The following GREP1 variants were observed in gnomAD, a reference collection of about 807,000 sequenced individuals.
GREP1 encodes glycine-rich extracellular protein 1.
At chr16:3,001,471 C>T in intron 34 of GREP1, 90 bp from the exon 29 acceptor site, 1 of 399,130 alleles carries the variant, frequency 2.5e-6, no homozygotes, top group East Asian at 3.6e-5. Context: ...GAGTGACTGA[C>T]CCCAGAAGCT....
At chr16:2,998,546 T>TG in intron 25 of GREP1, 23 bp downstream of exon 23, 1 of 398,900 alleles carries the variant, frequency 2.5e-6, no homozygotes, top group Non-Finnish European at 4.4e-6. Flanking sequence ...GGACCAGGGG[T>TG]GGGGGCCCAG....
chr16:2,997,179 G>C (rs1468635130), intron 21 of GREP1, 94 bp downstream of exon 20: 2 of 398,896 alleles, frequency 5.0e-6, no homozygotes, highest in Non-Finnish European at 8.8e-6. Flanking sequence ...CATTCAGGAG[G>C]GGGCTGGGAG....
rs1176274786 is a variant in GREP1, at chr16:2,994,972, G to C, written c.484+10G>C. 3 of 399,098 alleles carry C rather than the reference G, an allele frequency of 7.5e-6. No homozygotes were observed. Among genetic ancestry groups the C allele is most frequent in the Non-Finnish European group, 1.3e-5 (3 of 226,258 alleles). The allele number at this position is 399,098 out of a possible 1,614,324, so 24.7% of individuals were successfully genotyped here. A position where few individuals can be genotyped will look rare whatever the true frequency, so the allele number is the denominator to read the frequency against. On this transcript the variant is annotated intron_variant, in intron 13 of 34. Transcript: ENST00000573315. ...CTGGGAGCCCAGCCAGGTGAAGGGG[G>C]TACAGTCTGGGGTTCCAGGGTCTGC...
chr16:3,001,080 G>A (rs2072459391), intron 33 of GREP1, among the ~76,000 whole-genome samples: 1 of 152,182 alleles, frequency 6.6e-6, no homozygotes, highest in South Asian at 2.1e-4. Flanking sequence ...AAGGGGAGGT[G>A]ATGGAGTTGG....
In GREP1 at chr16:2,991,994, CG is replaced by C. The variant is rs944162490; in HGVS notation, c.323-805del. On this transcript the variant is annotated intron_variant, in intron 8 of 34. Transcript: ENST00000573315. This position sits in a 1 kb window ranked among gnomAD's most constrained non-coding sequence, Gnocchi z 4.9. Reference sequence around the variant, plus strand: ...CTCTCTCTCTATTCCTGGCATGGGGCGGGGGGTGAAACCTCTGAAGACAGGT... The same window carrying C: ...CTCTCTCTCTATTCCTGGCATGGGGCGGGGGTGAAACCTCTGAAGACAGGT... 3.3e-5 allele frequency: 5 copies of C among 152,690 alleles called. No individual in the cohort carries two copies. Among genetic ancestry groups the C allele is most frequent in the South Asian group, 2.1e-4 (1 of 4,844 alleles). The allele number at this position is 152,690 out of a possible 1,614,324, so 9.5% of individuals were successfully genotyped here. A position where few individuals can be genotyped will look rare whatever the true frequency, so the allele number is the denominator to read the frequency against.
At chr16:2,993,975 CA>C in intron 10 of GREP1, 1 of 152,826 alleles carries the variant, frequency 6.5e-6, no homozygotes, top group Non-Finnish European at 1.5e-5. Flanking sequence ...AACAAACAAA[CA>C]AACAACAACC....
At chr16:3,000,893 GC>G (rs150233504) in intron 33 of GREP1, 66 bp downstream of exon 27, 3 of 398,430 alleles carry the variant, frequency 7.5e-6, no homozygotes, top group African/African-American at 6.2e-5. Flanking sequence ...TGGGCCCTGG[GC>G]CCAGGTCTAC....
intron 27 of GREP1, among the ~76,000 whole-genome samples, chr16:2,999,469 C>T (rs2072446414): frequency 6.7e-6 from 1 of 148,622 alleles, no homozygotes; most frequent in Admixed American, 6.7e-5. Flanking sequence ...CCCGAGTCTA[C>T]CCTCTTGCTC....
At chr16:3,001,572 C>G (rs2072462367) in exon 35 of GREP1, 1 of 399,102 alleles carries the variant, frequency 2.5e-6, no homozygotes, top group Non-Finnish European at 4.4e-6. Context: ...CCGCTGCCCT[C>G]TGGGGAAATG....
chr16:2,997,036 C>G lies in GREP1; in HGVS notation c.837C>G (p.Leu279=), dbSNP rs2072428504. ...GGAGGCCTTGGGTCCCTCACTTGCT[C>G]CCTTTCTCTTCACCAGGCTATTTGG... Residue 279 remains leucine (L), a synonymous_variant, in exon 21 of 35, where the codon CTC becomes CTG. Coordinates refer to ENST00000573315, the Ensembl canonical transcript of GREP1. The G allele has an allele frequency of 1.5e-5, 6 of 399,076 alleles. No homozygotes were observed. The highest frequency in any genetic ancestry group is 2.7e-5 in the Non-Finnish European group (6 of 226,202). The allele number at this position is 399,076 out of a possible 1,614,324, so 24.7% of individuals were successfully genotyped here.
chr16:2,995,030 T>A, intron 13 of GREP1, 68 bp downstream of exon 14: 1 of 398,644 alleles, frequency 2.5e-6, no homozygotes, highest in Non-Finnish European at 4.4e-6. Context: ...AGGGGCGGGA[T>A]TGGTGAATGA....
rs2072421325 is a variant in GREP1, at chr16:2,995,738, G to T, written c.590-1G>T. The T allele has an allele frequency of 7.5e-6, 3 of 398,226 alleles. No individual in the cohort carries two copies. Among genetic ancestry groups the T allele is most frequent in the Non-Finnish European group, 1.3e-5 (3 of 226,186 alleles). The allele number at this position is 398,226 out of a possible 1,614,324, so 24.7% of individuals were successfully genotyped here. A position where few individuals can be genotyped will look rare whatever the true frequency, so the allele number is the denominator to read the frequency against. ...CACCAGCCCCCCTATATCTCCTCCAGGCCTTGGAGGGAATGTGAAGCCTCT... is the reference window on the plus strand; with the variant it reads ...CACCAGCCCCCCTATATCTCCTCCATGCCTTGGAGGGAATGTGAAGCCTCT... On this transcript the variant is annotated splice_acceptor_variant, in intron 16 of 34. Coordinates refer to ENST00000573315, the Ensembl canonical transcript of GREP1. LOFTEE classifies it high-confidence loss of function.
At chr16:2,997,153 A>G (rs1490326905) in intron 21 of GREP1, 68 bp downstream of exon 20, 1 of 398,108 alleles carries the variant, frequency 2.5e-6, no homozygotes, top group African/African-American at 2.1e-5. Context: ...TTCATACCCC[A>G]CCTCAGCTCC....
At chr16:2,995,740 C>A (rs1307944208) in exon 17 of GREP1, 14 of 398,212 alleles carry the variant, frequency 3.5e-5, no homozygotes, top group Admixed American at 2.6e-4. Flanking sequence ...CTCCTCCAGG[C>A]CTTGGAGGGA....
At chr16:2,995,694 G>C (rs1255346108) in intron 16 of GREP1, 40 bp downstream of exon 16, 1 of 398,552 alleles carries the variant, frequency 2.5e-6, no homozygotes, top group Non-Finnish European at 4.4e-6. Context: ...GAGAATGTGG[G>C]TGGGGCCCCT....
At chr16:2,990,965 G>C (rs994299602) in intron 7 of GREP1, 83 bp from the exon 7 acceptor site, 1 of 399,018 alleles carries the variant, frequency 2.5e-6, no homozygotes, top group Non-Finnish European at 4.4e-6. Flanking sequence ...ACCTGTCCCA[G>C]TGTCCACTTC....
At position 2,991,253 on chromosome 16, in the gene GREP1, C is replaced by T. The variant is rs1301394238; in HGVS notation, c.322+152C>T. The stretch of plus-strand genomic sequence containing the variant: ...GTCCCTTCCCAGGCCTGGGAGTGGG[C>T]GTGAAACCTCCGAAGCCAGGTGAGG... On this transcript the variant is annotated intron_variant, in intron 8 of 34. Coordinates refer to ENST00000573315, the Ensembl canonical transcript of GREP1. This position sits in a 1 kb window ranked among gnomAD's most constrained non-coding sequence, Gnocchi z 4.9. The T allele has an allele frequency of 1.5e-5, 6 of 395,722 alleles. No homozygotes were observed. The highest frequency in any genetic ancestry group is 4.4e-5 in the Admixed American group (1 of 22,634). 24.5% of individuals were successfully genotyped at this position (395,722 alleles called of 1,614,324 possible).
chr16:3,000,689 C>A (rs760081012), intron 32 of GREP1, 25 bp from the exon 27 acceptor site: 150 of 398,938 alleles, frequency 3.8e-4, no homozygotes, highest in Non-Finnish European at 5.7e-4. Flanking sequence ...GGCAAGGGTA[C>A]CCCTGCCAGC....
chr16:3,001,803 T>C (rs1201960391), exon 35 of GREP1: 19 of 395,066 alleles, frequency 4.8e-5, no homozygotes, highest in Non-Finnish European at 7.6e-5. Flanking sequence ...CAAACATCAA[T>C]GAGGCCATGT....
Sources: allele counts gnomAD v4.1 joint callset (sites outside exome capture counted in the v4.1 genomes callset), GRCh38; gene constraint gnomAD v4.1.1; non-coding constraint Gnocchi (gnomAD v3.1); transcripts MANE v1.5; gene names NCBI Gene and HGNC (gene_info 2026-07-23, HGNC 2026-07-21).